TAS2R1: variants seen among roughly 807,000 people sequenced by gnomAD.
TAS2R1 encodes the protein taste 2 receptor member 1, also known as taste receptor type 2 member 1.
For missense variants in TAS2R1, 370 were observed against 353.4 expected (o/e 1.05, Z -0.38); for synonymous variants, 141 against 134.2 (o/e 1.05, Z -0.35).
intron 1 of TAS2R1, among the ~76,000 whole-genome samples, chr5:9,694,984 T>G (rs1741328462): frequency 6.6e-6 from 1 of 152,220 alleles, no homozygotes; most frequent in South Asian, 2.1e-4. Context: ...TCCTTCCAGT[T>G]CATGGTGCTG....
the TAS2R1 span, among the ~76,000 whole-genome samples, chr5:9,888,369 C>T: frequency 1.3e-5 from 2 of 152,178 alleles, no homozygotes; most frequent in African/African-American, 4.8e-5. Flanking sequence ...ACCTTGCCTA[C>T]GTTTTCTCTG....
the TAS2R1 span, among the ~76,000 whole-genome samples, chr5:9,816,614 T>C: frequency 1.3e-5 from 2 of 152,012 alleles, 1 homozygote; most frequent in South Asian, 4.1e-4. Flanking sequence ...TCAGAAATAA[T>C]GTATCTCAGG....
At chr5:9,828,247 T>A in the TAS2R1 span, among the ~76,000 whole-genome samples, 1 of 152,196 alleles carries the variant, frequency 6.6e-6, no homozygotes. Flanking sequence ...TGCCTCGGCC[T>A]CCTGAGTAGC....
the TAS2R1 span, among the ~76,000 whole-genome samples, chr5:9,874,958 C>G: frequency 2.6e-5 from 4 of 152,158 alleles, no homozygotes; most frequent in African/African-American, 9.7e-5. Flanking sequence ...TATGGGCATT[C>G]TTATAATAAG....
the TAS2R1 span, among the ~76,000 whole-genome samples, chr5:9,756,555 G>C: frequency 6.6e-6 from 1 of 152,114 alleles, no homozygotes; most frequent in Non-Finnish European, 1.5e-5. Context: ...TGGGGCTCTT[G>C]CAATACTGTT....
chr5:9,859,264 A>G, the TAS2R1 span, among the ~76,000 whole-genome samples: 3 of 152,258 alleles, frequency 2.0e-5, no homozygotes, highest in African/African-American at 7.2e-5. Flanking sequence ...CAATAAAGAA[A>G]TAAAGCCACG....
intron 1 of TAS2R1, among the ~76,000 whole-genome samples, chr5:9,667,831 G>C (rs747712924): frequency 6.6e-6 from 1 of 152,108 alleles, no homozygotes. Context: ...AGATGAGAAA[G>C]AACCAATGCA....
At chr5:9,634,213 T>C (rs879459541), upstream of TAS2R1, among the ~76,000 whole-genome samples, 2 of 152,060 alleles carry the variant, frequency 1.3e-5, no homozygotes, top group Admixed American at 1.3e-4. Flanking sequence ...TTTCCCACTT[T>C]GTGTTTTTGT....
At chr5:9,635,166 A>G (rs918297402), upstream of TAS2R1, among the ~76,000 whole-genome samples, 1 of 152,016 alleles carries the variant, frequency 6.6e-6, no homozygotes, top group Non-Finnish European at 1.5e-5. Flanking sequence ...GGGATGCTGG[A>G]TTTTGTCAAA....
At chr5:9,680,987 A>C (rs915596711) in intron 1 of TAS2R1, among the ~76,000 whole-genome samples, 1 of 152,292 alleles carries the variant, frequency 6.6e-6, no homozygotes, top group Middle Eastern at 3.4e-3. Context: ...ACTAGAACCC[A>C]GGAGGCGGGG....
At chr5:9,896,270 T>G in the TAS2R1 span, among the ~76,000 whole-genome samples, 2 of 152,198 alleles carry the variant, frequency 1.3e-5, no homozygotes, top group African/African-American at 4.8e-5. Flanking sequence ...CTTTTGCTAA[T>G]AGTATTTGTT....
chr5:9,852,748 C>T, the TAS2R1 span, among the ~76,000 whole-genome samples: 35,700 of 151,980 alleles, frequency 0.23, 4,377 homozygotes, highest in African/African-American at 0.31. Flanking sequence ...AGCACTGATA[C>T]CCCTGTACAA....
chr5:9,857,032 C>T, the TAS2R1 span, among the ~76,000 whole-genome samples: 9,025 of 152,104 alleles, frequency 0.059, 623 homozygotes, highest in East Asian at 0.23. Context: ...AAGCCCAGTA[C>T]AGAAAGACAA....
At chr5:9,679,714 G>A (rs1456516410) in intron 1 of TAS2R1, among the ~76,000 whole-genome samples, 1 of 152,162 alleles carries the variant, frequency 6.6e-6, no homozygotes, top group Non-Finnish European at 1.5e-5. Context: ...GATATATGTG[G>A]AAAGGAATTA....
At chr5:9,721,433 T>G in the TAS2R1 span, among the ~76,000 whole-genome samples, 2 of 152,206 alleles carry the variant, frequency 1.3e-5, no homozygotes, top group African/African-American at 2.4e-5. Flanking sequence ...TGGCCAATCC[T>G]AAGTCACAGC....
In TAS2R1 at chr5:9,700,444, A is replaced by T. The variant is rs1222900034; in HGVS notation, c.-242+11728T>A. 2.0e-5 allele frequency among the ~76,000 whole-genome samples: 3 copies of T among 152,104 alleles called. No individual in the cohort carries two copies. In the East Asian group the frequency reaches 5.8e-4, roughly 29 times the overall value. ...TGCTACCCTGGAGGTGCCCTTCACTATCCTTGCACCCATTTTCTATTTTCC... is the reference window on the plus strand; with the variant it reads ...TGCTACCCTGGAGGTGCCCTTCACTTTCCTTGCACCCATTTTCTATTTTCC... On this transcript the variant is annotated intron_variant, in intron 1 of 2. Transcript: ENST00000506620.
At chr5:9,830,609 A>ACGCG in the TAS2R1 span, among the ~76,000 whole-genome samples, 1 of 84,114 alleles carries the variant, frequency 1.2e-5, no homozygotes, top group African/African-American at 2.8e-5. Context: ...GCGCGCGCAC[A>ACGCG]CACACACACA....
chr5:9,774,344 C>A, the TAS2R1 span, among the ~76,000 whole-genome samples: 1 of 152,192 alleles, frequency 6.6e-6, no homozygotes, highest in African/African-American at 2.4e-5. Context: ...ATCTTGAGTT[C>A]CATTGAGTTT....
chr5:9,811,517 C>T, the TAS2R1 span, among the ~76,000 whole-genome samples: 1 of 152,276 alleles, frequency 6.6e-6, no homozygotes, highest in Non-Finnish European at 1.5e-5. Context: ...TGTTCCTGAG[C>T]CTCGTCTTAC....
Sources: gnomAD v4.1 joint callset for allele counts (sites outside exome capture counted in the v4.1 genomes callset) on GRCh38, gnomAD v4.1.1 for gene constraint, MANE v1.5 for transcripts, NCBI Gene and HGNC (gene_info 2026-07-23, HGNC 2026-07-21) for gene names.